Variants in SUCLG2 observed in about 807,000 individuals in gnomAD.
SUCLG2 encodes succinate-CoA ligase GDP-forming subunit beta.
In SUCLG2, 42 loss-of-function variants were observed where a neutral mutation model predicts 47.9. The observed-to-expected ratio is 0.88, with a 90% CI of 0.69 to 1.14. The LOEUF (loss-of-function observed/expected upper bound fraction) is 1.14. Among genes scored for constraint, SUCLG2 ranks in the 50% most tolerant of loss-of-function variants. SUCLG2 has a pLI of 0.00. For missense variants in SUCLG2, 571 were observed against 525.9 expected, an observed-to-expected ratio of 1.09 and a Z score of -0.84; for synonymous variants, 195 against 197.3, an observed-to-expected ratio of 0.99 and a Z score of 0.10.
chr3:67,424,362 G>A (rs1330133273), intron 9 of SUCLG2, among the ~76,000 whole-genome samples: 2 of 152,128 alleles, frequency 1.3e-5, no homozygotes, highest in Admixed American at 1.3e-4. Context: ...AGAGATTCAA[G>A]GACTCTTTAT....
intron 9 of SUCLG2, among the ~76,000 whole-genome samples, chr3:67,450,875 A>G (rs1293019870): frequency 6.6e-6 from 1 of 152,188 alleles, no homozygotes; most frequent in African/African-American, 2.4e-5. Context: ...AAACTAAACT[A>G]ACTCTGCTTG....
chr3:67,533,217 T>A (rs759020798), intron 2 of SUCLG2, among the ~76,000 whole-genome samples: 2 of 152,206 alleles, frequency 1.3e-5, no homozygotes, highest in Non-Finnish European at 2.9e-5. Flanking sequence ...TTAAAAACAG[T>A]TCAGTGATGA....
At chr3:67,556,191 T>G (rs143003170) in intron 2 of SUCLG2, among the ~76,000 whole-genome samples, 107 of 152,314 alleles carry the variant, frequency 7.0e-4, no homozygotes, top group Admixed American at 1.0e-3. Flanking sequence ...TGACATGTGT[T>G]CCTGACTGAA....
At chr3:67,596,897 A>C (rs1265694270) in intron 2 of SUCLG2, among the ~76,000 whole-genome samples, 1 of 152,210 alleles carries the variant, frequency 6.6e-6, no homozygotes, top group Non-Finnish European at 1.5e-5. Flanking sequence ...CAAAAATGGC[A>C]CTGAGATAAG....
At chr3:67,503,032 G>C (rs534719249) in intron 7 of SUCLG2, among the ~76,000 whole-genome samples, 27 of 152,262 alleles carry the variant, frequency 1.8e-4, no homozygotes, top group African/African-American at 6.5e-4. Context: ...CCTCAAGCCA[G>C]CCCTATTTTT....
At chr3:67,505,899 C>G (rs1373109400) in intron 7 of SUCLG2, among the ~76,000 whole-genome samples, 2 of 152,002 alleles carry the variant, frequency 1.3e-5, no homozygotes, top group Non-Finnish European at 2.9e-5. Flanking sequence ...GAGGTGGAGG[C>G]TGCAGTGAGC....
chr3:67,438,917 T>G (rs1270296491), intron 9 of SUCLG2, among the ~76,000 whole-genome samples: 1 of 152,118 alleles, frequency 6.6e-6, no homozygotes, highest in Non-Finnish European at 1.5e-5. Context: ...TACCAAAACC[T>G]GGAAGAGACA....
chr3:67,536,160 A>C (rs1454119011), intron 2 of SUCLG2, among the ~76,000 whole-genome samples: 1 of 152,246 alleles, frequency 6.6e-6, no homozygotes, highest in Non-Finnish European at 1.5e-5. Flanking sequence ...CTTGGTGTGC[A>C]CACACTCATA....
intron 9 of SUCLG2, among the ~76,000 whole-genome samples, chr3:67,487,686 A>G (rs1705094061): frequency 6.6e-6 from 1 of 152,196 alleles, no homozygotes; most frequent in Non-Finnish European, 1.5e-5. Flanking sequence ...AATTACAGCA[A>G]TGATAGCCAA....
intron 8 of SUCLG2, among the ~76,000 whole-genome samples, chr3:67,497,381 G>A (rs1350882712): frequency 6.6e-6 from 1 of 152,146 alleles, no homozygotes; most frequent in Non-Finnish European, 1.5e-5. Context: ...TAAGTCAGAA[G>A]CATATAAATC....
Position 67,654,591 on chromosome 3 carries a change from A to C in SUCLG2, c.-5T>G. On this transcript the variant is annotated 5_prime_UTR_variant, in exon 1 of 11. Transcript: ENST00000307227. ...CGCTGCTACGGGGGACGCCATCTTA[A>C]ACAGGAAACTCGGCACGGGGCAGTA... 1 of 1,273,604 alleles carries C rather than the reference A, an allele frequency of 7.9e-7. No homozygotes were observed. Among genetic ancestry groups the C allele is most frequent in the African/African-American group, 1.5e-5 (1 of 65,890 alleles). 78.9% of individuals were successfully genotyped at this position (1,273,604 alleles called of 1,614,324 possible).
At chr3:67,374,246 T>C (rs183503514), downstream of SUCLG2, among the ~76,000 whole-genome samples, 72 of 152,358 alleles carry the variant, frequency 4.7e-4, 1 homozygote, top group Admixed American at 1.6e-3. Flanking sequence ...TCCAATAGTT[T>C]ATTTCTCCAT....
In SUCLG2 at chr3:67,585,979, A is replaced by AC. The variant is rs1559583711; in HGVS notation, c.226+23475_226+23476insG. Among the ~76,000 whole-genome samples, 9 of 141,384 alleles carry AC rather than the reference A, an allele frequency of 6.4e-5. 1 individual carries two copies. The highest frequency in any genetic ancestry group is 6.1e-4 in the East Asian group (3 of 4,932). The allele number at this position is 141,384 out of a possible 152,430, so 92.8% of individuals were successfully genotyped here. A position where few individuals can be genotyped will look rare whatever the true frequency, so the allele number is the denominator to read the frequency against. On this transcript the variant is annotated intron_variant, in intron 2 of 10. Transcript: ENST00000307227. Reference sequence around the variant, plus strand: ...AAGACTCCATTTCAAAAAAAAAAAAAAAAAAAAAAAAACCAAACCCACAAA... The same window carrying AC: ...AAGACTCCATTTCAAAAAAAAAAAAACAAAAAAAAAAAACCAAACCCACAAA...
intron 9 of SUCLG2, among the ~76,000 whole-genome samples, chr3:67,441,242 G>C (rs944075890): frequency 6.6e-6 from 1 of 152,114 alleles, no homozygotes; most frequent in Non-Finnish European, 1.5e-5. Context: ...GGGGGGCTAG[G>C]GGAGGGATAG....
chr3:67,452,591 C>T (rs555237594), intron 9 of SUCLG2, among the ~76,000 whole-genome samples: 1 of 152,264 alleles, frequency 6.6e-6, no homozygotes, highest in African/African-American at 2.4e-5. Context: ...ACCACAAATT[C>T]CTTGTCAAAT....
intron 1 of SUCLG2, among the ~76,000 whole-genome samples, chr3:67,613,551 G>A (rs1278231432): frequency 6.6e-6 from 1 of 152,190 alleles, no homozygotes; most frequent in Non-Finnish European, 1.5e-5. Flanking sequence ...CAACATTCAA[G>A]ATGGTAGCTG....
intron 9 of SUCLG2, among the ~76,000 whole-genome samples, chr3:67,412,619 T>C (rs1312807546): frequency 5.9e-5 from 9 of 152,096 alleles, no homozygotes; most frequent in Non-Finnish European, 1.3e-4. Context: ...AGCACGATTG[T>C]CTTGGGTGGC....
At chr3:67,608,034 A>G (rs951296258) in intron 2 of SUCLG2, among the ~76,000 whole-genome samples, 2 of 152,230 alleles carry the variant, frequency 1.3e-5, no homozygotes, top group Non-Finnish European at 2.9e-5. Flanking sequence ...GCATTGGGAA[A>G]TAAGTACTAT....
At chr3:67,613,009 C>A (rs9853025) in intron 1 of SUCLG2, among the ~76,000 whole-genome samples, 1 of 152,004 alleles carries the variant, frequency 6.6e-6, no homozygotes, top group Non-Finnish European at 1.5e-5. Context: ...AAGGTATGCC[C>A]ATGGAGCTTC....
Sources: gnomAD v4.1 joint callset for allele counts (sites outside exome capture counted in the v4.1 genomes callset) on GRCh38, gnomAD v4.1.1 for gene constraint, MANE v1.5 for transcripts, NCBI Gene and HGNC (gene_info 2026-07-23, HGNC 2026-07-21) for gene names.